The following GLCE variants were observed in gnomAD, a reference collection of about 807,000 sequenced individuals.
GLCE encodes the protein glucuronic acid epimerase, also known as D-glucuronyl C5-epimerase.
In GLCE, 19 loss-of-function variants were observed where a neutral mutation model predicts 47.9. The ratio of observed to expected loss-of-function variants is 0.40; its 90% CI spans 0.28 to 0.58. The LOEUF (loss-of-function observed/expected upper bound fraction) is 0.58, where lower values mean the gene tolerates loss of function less well. Ranked by LOEUF, GLCE falls within the 20% of genes least tolerant of loss-of-function variation. GLCE has a pLI of 0.48. For synonymous variants in GLCE, 245 were observed against 263.4 expected (o/e 0.93, Z 0.68); for missense variants, 556 against 743.3 (o/e 0.75, Z 2.93).
At chr15:69,242,807 A>T (rs1425860400) in intron 2 of GLCE, among the ~76,000 whole-genome samples, 2 of 151,862 alleles carry the variant, frequency 1.3e-5, no homozygotes, top group East Asian at 3.9e-4. Context: ...CACTTTGGGA[A>T]GCCGAGGCAG....
At chr15:69,263,088 T>C (rs2053036547) in intron 4 of GLCE, among the ~76,000 whole-genome samples, 1 of 152,190 alleles carries the variant, frequency 6.6e-6, no homozygotes, top group Non-Finnish European at 1.5e-5. Context: ...TGTGGCATCA[T>C]GTTAGCACTC....
chr15:69,205,631 T>C (rs2052139869), intron 1 of GLCE, among the ~76,000 whole-genome samples: 1 of 152,140 alleles, frequency 6.6e-6, no homozygotes, highest in Admixed American at 6.6e-5. Flanking sequence ...GTGTTCTAGT[T>C]GTTCTGCACA....
chr15:69,229,849 T>A (rs972286349), intron 2 of GLCE, among the ~76,000 whole-genome samples: 4 of 151,850 alleles, frequency 2.6e-5, no homozygotes, highest in East Asian at 3.9e-4. Flanking sequence ...TAATTTGATT[T>A]AAAAAAAAAT....
chr15:69,193,714 T>G (rs1450941237), intron 1 of GLCE, among the ~76,000 whole-genome samples: 2 of 152,010 alleles, frequency 1.3e-5, no homozygotes, highest in Non-Finnish European at 2.9e-5. Flanking sequence ...ATGTCAATCC[T>G]GTGCTTGTAC....
At chr15:69,242,374 C>T (rs775344231) in intron 2 of GLCE, among the ~76,000 whole-genome samples, 4 of 151,902 alleles carry the variant, frequency 2.6e-5, no homozygotes, top group Non-Finnish European at 5.9e-5. Flanking sequence ...ATGTTCAAGT[C>T]TTGTATCTTC....
chr15:69,175,129 T>A (rs557594740), intron 1 of GLCE, among the ~76,000 whole-genome samples: 2 of 152,298 alleles, frequency 1.3e-5, no homozygotes, highest in South Asian at 4.1e-4. Flanking sequence ...ATGCAGAATT[T>A]CCATGTTTAG....
chr15:69,167,700 C>G (rs2051525812), intron 1 of GLCE, among the ~76,000 whole-genome samples: 1 of 151,888 alleles, frequency 6.6e-6, no homozygotes, highest in Non-Finnish European at 1.5e-5. Flanking sequence ...TTTAGCAGCT[C>G]AGAAGATTAG....
chr15:69,267,815 C>A (rs985324917), intron 4 of GLCE, among the ~76,000 whole-genome samples: 2 of 148,402 alleles, frequency 1.3e-5, no homozygotes, highest in Non-Finnish European at 3.0e-5. Flanking sequence ...CTCTTTCTTG[C>A]AATATTATGT....
chr15:69,247,084 G>A (rs1184276110), intron 2 of GLCE, among the ~76,000 whole-genome samples: 1 of 152,194 alleles, frequency 6.6e-6, no homozygotes, highest in Non-Finnish European at 1.5e-5. Context: ...GTCACCAGTT[G>A]CATTAGCCCC....
chr15:69,233,983 T>G lies in GLCE; in HGVS notation c.-13-21811T>G, dbSNP rs185268190. On this transcript the variant is annotated intron_variant, in intron 2 of 4. Transcript: ENST00000261858. ...TACATATATGGAGAAGATTTTTTTG[T>G]TTTTTTTTTTTGAGACAGAGTTTCG... Among the ~76,000 whole-genome samples, 705 of 129,720 alleles carry G rather than the reference T, an allele frequency of 5.4e-3. 8 individuals are homozygous for G. Among genetic ancestry groups the G allele is most frequent in the African/African-American group, 0.018 (660 of 36,224 alleles). 85.1% of individuals were successfully genotyped at this position (129,720 alleles called of 152,430 possible).
At chr15:69,184,287 T>A (rs2051791429) in intron 1 of GLCE, among the ~76,000 whole-genome samples, 1 of 152,204 alleles carries the variant, frequency 6.6e-6, no homozygotes, top group South Asian at 2.1e-4. Context: ...GGGCATGCAA[T>A]GCGGAATAAT....
chr15:69,266,150 A>G (rs2053082688), intron 4 of GLCE, among the ~76,000 whole-genome samples: 1 of 152,202 alleles, frequency 6.6e-6, no homozygotes, highest in South Asian at 2.1e-4. Flanking sequence ...TAAGTCTATG[A>G]GGATGTTCTC....
chr15:69,242,153 C>T (rs941535854), intron 2 of GLCE, among the ~76,000 whole-genome samples: 1 of 152,128 alleles, frequency 6.6e-6, no homozygotes, highest in Non-Finnish European at 1.5e-5. Flanking sequence ...AAAAGGGCCT[C>T]ACTTAATGGT....
At chr15:69,241,424 C>G (rs554640066) in intron 2 of GLCE, among the ~76,000 whole-genome samples, 1 of 152,310 alleles carries the variant, frequency 6.6e-6, no homozygotes, top group African/African-American at 2.4e-5. Context: ...CCAAAACTTA[C>G]AAATTTTTTC....
intron 2 of GLCE, among the ~76,000 whole-genome samples, chr15:69,240,164 G>T (rs2052646354): frequency 6.6e-6 from 1 of 151,902 alleles, no homozygotes; most frequent in Non-Finnish European, 1.5e-5. Context: ...TATACTTCCT[G>T]ATGAAGGTTC....
chr15:69,267,452 C>T (rs1343300039), intron 4 of GLCE, among the ~76,000 whole-genome samples: 1 of 152,176 alleles, frequency 6.6e-6, no homozygotes, highest in African/African-American at 2.4e-5. Flanking sequence ...TGAGCTTTAC[C>T]CTGTCACTCC....
At chr15:69,248,284 C>G (rs1259338995) in intron 2 of GLCE, among the ~76,000 whole-genome samples, 1 of 152,166 alleles carries the variant, frequency 6.6e-6, no homozygotes, top group Non-Finnish European at 1.5e-5. Context: ...TAATTTAAAT[C>G]TTGGTCTATT....
rs140876048 is a variant in GLCE, at chr15:69,245,814, C to T, written c.-13-9980C>T. Among the ~76,000 whole-genome samples the T allele has an allele frequency of 5.4e-3, 818 of 152,198 alleles. 7 individuals carry two copies. Among genetic ancestry groups the T allele is most frequent in the Non-Finnish European group, 9.1e-3 (622 of 68,010 alleles). ...CACCGTGTGAGCTCACTGCAACCTC[C>T]GTCTCCTGGGTTCAAGCAATTCTCC... On this transcript the variant is annotated intron_variant, in intron 2 of 4. Transcript: ENST00000261858.
intron 3 of GLCE, among the ~76,000 whole-genome samples, chr15:69,257,242 T>C (rs1460293138): frequency 6.6e-6 from 1 of 152,204 alleles, no homozygotes; most frequent in Non-Finnish European, 1.5e-5. Flanking sequence ...GTGAAGTTAA[T>C]GGTGTGTTTA....
Sources: gnomAD v4.1 joint callset for allele counts (sites outside exome capture counted in the v4.1 genomes callset) on GRCh38, gnomAD v4.1.1 for gene constraint, MANE v1.5 for transcripts, NCBI Gene and HGNC (gene_info 2026-07-23, HGNC 2026-07-21) for gene names.